The following TCHP variants were observed in gnomAD, a reference collection of about 807,000 sequenced individuals.
The protein encoded by TCHP is trichoplein keratin filament binding, also known as trichoplein keratin filament-binding protein.
In TCHP, 81 loss-of-function variants were observed where a neutral mutation model predicts 88.7. That is an observed-to-expected ratio of 0.91 (90% CI 0.76 to 1.10). The LOEUF (loss-of-function observed/expected upper bound fraction) is 1.10, where lower values mean the gene tolerates loss of function less well. TCHP is among the 50% of genes least tolerant of loss of function. The pLI is 0.00. For synonymous variants in TCHP, 232 were observed against 232.5 expected, an observed-to-expected ratio of 1.00 and a Z score of 0.02; for missense variants, 641 against 632.1, an observed-to-expected ratio of 1.01 and a Z score of -0.15.
chr12:109,881,283 T>A, the TCHP span, among the ~76,000 whole-genome samples: 1 of 152,206 alleles, frequency 6.6e-6, no homozygotes, highest in African/African-American at 2.4e-5. Flanking sequence ...ATTCATCCTC[T>A]CCATTTACAC....
intron 5 of TCHP, among the ~76,000 whole-genome samples, chr12:109,907,112 T>C (rs1299845771): frequency 6.6e-6 from 1 of 152,188 alleles, no homozygotes; most frequent in Non-Finnish European, 1.5e-5. Flanking sequence ...TGGTCTGGCC[T>C]CCTGGCCTTA....
upstream of TCHP, among the ~76,000 whole-genome samples, chr12:109,898,574 T>G (rs976425298): frequency 6.6e-6 from 1 of 152,056 alleles, no homozygotes; most frequent in Non-Finnish European, 1.5e-5. Flanking sequence ...ACAGATGAAG[T>G]GACCTGCCCA....
chr12:109,907,540 A>T lies in TCHP; in HGVS notation c.540A>T (p.Ala180=). The change falls in exon 6 of 13, where the codon GCA becomes GCT. Residue 180 remains alanine, a synonymous_variant. Transcript: ENST00000405876. ...KEEKKQQEAT[A]EQENKRYENE... ...GTCCCTTGTAGCAAGAAGCCACCGC[A>T]GAGCAAGAGAACAAACGGTATGAAA... 6.2e-7 allele frequency: 1 copy of T among 1,614,228 alleles called. No homozygotes were observed. The highest frequency in any genetic ancestry group is 8.5e-7 in the Non-Finnish European group (1 of 1,180,024).
intron 6 of TCHP, 67 bp downstream of exon 6, chr12:109,907,766 G>T: frequency 6.6e-7 from 1 of 1,515,850 alleles, no homozygotes; most frequent in Non-Finnish European, 8.9e-7. Context: ...ATGGGCACTT[G>T]AGAGGCTGCC....
chr12:109,906,592 G>T lies in TCHP; in HGVS notation c.477G>T (p.Gln159His), dbSNP rs1410324187. 4.3e-6 allele frequency: 7 copies of T among 1,612,578 alleles called. No homozygotes were observed. The Admixed American group carries it at 8.3e-5, about 19-fold the overall frequency. The part of the protein sequence containing the change: ...KLREMELDLH[Q>H]KHVVNSWEMQ... ...CTCAGATGGAGCTGGACCTTCACCA[G>T]AAGCATGTCGTAAACTCTTGGGAAA... Residue 159 changes from glutamine to histidine, a missense_variant, in exon 5 of 13, where the codon CAG becomes CAT. Physicochemically the swap from Gln to His is conservative, Grantham distance 24. Coordinates refer to ENST00000405876, the MANE Select transcript of TCHP (RefSeq NM_001143852.2).
At chr12:109,890,300 CAAA>C in the TCHP span, among the ~76,000 whole-genome samples, 17 of 89,322 alleles carry the variant, frequency 1.9e-4, no homozygotes, top group African/African-American at 2.7e-4. Context: ...CTCATCTCTA[CAAA>C]AAAAAAAAAA....
intron 10 of TCHP, among the ~76,000 whole-genome samples, chr12:109,913,627 C>A (rs1349317721): frequency 1.3e-5 from 2 of 152,154 alleles, no homozygotes; most frequent in Non-Finnish European, 1.5e-5. Context: ...CTTTCCTGGT[C>A]AGTGTGTACA....
At chr12:109,908,961 C>T (rs1446837884) in intron 8 of TCHP, 24 bp downstream of exon 8, 3 of 1,612,382 alleles carry the variant, frequency 1.9e-6, no homozygotes, top group Non-Finnish European at 2.5e-6. Context: ...GACAGCCTGA[C>T]ATCTTTCTTA....
At chr12:109,908,993 T>G in intron 8 of TCHP, 56 bp downstream of exon 8, 1 of 1,516,278 alleles carries the variant, frequency 6.6e-7, no homozygotes, top group Non-Finnish European at 9.1e-7. Context: ...AAAAAAGGCC[T>G]TCCATTGCTT....
intron 9 of TCHP, among the ~76,000 whole-genome samples, chr12:109,911,800 TA>T (rs375978953): frequency 1.9e-4 from 28 of 151,300 alleles, no homozygotes; most frequent in Non-Finnish European, 3.2e-4. Flanking sequence ...AGAAGGAAAT[TA>T]TTTTTTTTTT....
At position 109,903,438 on chromosome 12, in the gene TCHP, C is replaced by G. The variant is rs1869932873; in HGVS notation, c.188+224C>G. ...GAAGCATATGATAGAATTTGGAAGC[C>G]TGGTTGTAACCCCATATCCCCAGAG... is the stretch of plus-strand genomic sequence containing the variant. On this transcript the variant is annotated intron_variant, in intron 2 of 12. Coordinates refer to ENST00000405876, the MANE Select transcript of TCHP (RefSeq NM_001143852.2). This position sits in a 1 kb window ranked among gnomAD's most constrained non-coding sequence, Gnocchi z 4.6. 6.6e-6 allele frequency among the ~76,000 whole-genome samples: 1 copy of G among 152,204 alleles called. No individual in the cohort carries two copies. The highest frequency in any genetic ancestry group is 2.4e-5 in the African/African-American group (1 of 41,444).
upstream of TCHP, among the ~76,000 whole-genome samples, chr12:109,899,779 A>G (rs971500177): frequency 6.6e-6 from 1 of 152,028 alleles, no homozygotes; most frequent in Admixed American, 6.5e-5. Flanking sequence ...GGGCATCTGG[A>G]TTTTTTAAAG....
the TCHP span, among the ~76,000 whole-genome samples, chr12:109,894,988 A>AG: frequency 1.3e-5 from 2 of 151,490 alleles, no homozygotes; most frequent in Non-Finnish European, 2.9e-5. Context: ...TCCCATAGGG[A>AG]GGGGGTCAGC....
intron 10 of TCHP, 127 bp from the exon 11 acceptor site, chr12:109,914,315 C>T (rs1337098039): frequency 1.7e-5 from 13 of 776,074 alleles, no homozygotes; most frequent in African/African-American, 1.2e-4. Context: ...TCTGCCTCTG[C>T]GTACCTGGGC....
intron 4 of TCHP, 138 bp downstream of exon 4, chr12:109,904,931 A>G (rs1483515453): frequency 2.8e-6 from 2 of 712,420 alleles, no homozygotes; most frequent in Non-Finnish European, 4.7e-6. Flanking sequence ...AGCGCCAGGC[A>G]GAAGATCTGG....
chr12:109,882,647 ATTTTTTTTTT>A, the TCHP span, among the ~76,000 whole-genome samples: 2 of 80,200 alleles, frequency 2.5e-5, no homozygotes, highest in African/African-American at 6.0e-5. Flanking sequence ...AAGAGTTTGG[ATTTTTTTTTT>A]TTTTTTTTTT....
chr12:109,902,964 G>T, intron 1 of TCHP, 63 bp from the exon 2 acceptor site: 1 of 1,459,310 alleles, frequency 6.9e-7, no homozygotes, highest in Non-Finnish European at 9.3e-7. Context: ...AAGGGATGAG[G>T]CCAAGCTGGT....
chr12:109,885,378 T>C, the TCHP span, among the ~76,000 whole-genome samples: 7 of 152,226 alleles, frequency 4.6e-5, no homozygotes, highest in Non-Finnish European at 7.3e-5. Flanking sequence ...ATAGATTTTG[T>C]GTGTCACAAA....
intron 4 of TCHP, 41 bp from the exon 5 acceptor site, chr12:109,906,531 G>C (rs779723277): frequency 6.2e-7 from 1 of 1,601,590 alleles, no homozygotes; most frequent in Non-Finnish European, 8.5e-7. Context: ...GTGCCCATCT[G>C]TCTGGTGAGG....
Sources: gnomAD v4.1 joint callset for allele counts (sites outside exome capture counted in the v4.1 genomes callset) on GRCh38, gnomAD v4.1.1 for gene constraint, Gnocchi (gnomAD v3.1) non-coding constraint, MANE v1.5 for transcripts, NCBI Gene and HGNC (gene_info 2026-07-23, HGNC 2026-07-21) for gene names.